Variants in LYN observed in about 807,000 individuals in gnomAD.
LYN encodes LYN proto-oncogene, Src family tyrosine kinase.
LYN carries 12 observed loss-of-function variants against 65.0 expected under a neutral mutation model. That is an observed-to-expected ratio of 0.18 (90% CI 0.12 to 0.30). The LOEUF (loss-of-function observed/expected upper bound fraction) is 0.30, where lower values mean the gene tolerates loss of function less well. Among genes scored for constraint, LYN ranks in the 10% least tolerant of loss-of-function variants. The pLI is 1.00. For synonymous variants in LYN, 222 were observed against 221.2 expected (o/e 1.00, Z -0.03); for missense variants, 380 against 623.2 (o/e 0.61, Z 4.16).
intron 12 of LYN, among the ~76,000 whole-genome samples, chr8:56,002,438 G>GAATAA (rs1201153266): frequency 6.8e-6 from 1 of 147,654 alleles, no homozygotes; most frequent in Non-Finnish European, 1.5e-5. Flanking sequence ...AAAAAAAAAA[G>GAATAA]AATAAAATAA....
intron 8 of LYN, among the ~76,000 whole-genome samples, chr8:55,963,370 G>C (rs1011166945): frequency 5.9e-5 from 9 of 152,200 alleles, no homozygotes; most frequent in African/African-American, 1.9e-4. Flanking sequence ...CTGACTAGCA[G>C]AGCTGTACTT....
At chr8:56,001,623 C>CAT (rs940492790) in intron 12 of LYN, among the ~76,000 whole-genome samples, 1 of 152,166 alleles carries the variant, frequency 6.6e-6, no homozygotes, top group Non-Finnish European at 1.5e-5. Flanking sequence ...AATGAATTAA[C>CAT]ATTGCTGCAA....
chr8:55,938,660 CTT>C (rs1377139682), intron 1 of LYN, among the ~76,000 whole-genome samples: 1 of 152,252 alleles, frequency 6.6e-6, no homozygotes, highest in African/African-American at 2.4e-5. Context: ...ATTATTGACT[CTT>C]TTGTGGTAAA....
At chr8:55,901,477 G>A (rs1255932548) in intron 1 of LYN, among the ~76,000 whole-genome samples, 4 of 152,166 alleles carry the variant, frequency 2.6e-5, no homozygotes, top group Admixed American at 2.6e-4. Context: ...TCATGCATGG[G>A]ATCCTTCTTT....
chr8:55,970,805 C>A (rs1038598836), intron 10 of LYN, among the ~76,000 whole-genome samples: 1 of 152,222 alleles, frequency 6.6e-6, no homozygotes, highest in African/African-American at 2.4e-5. Flanking sequence ...TGTTCTGGCT[C>A]TGCCACTCGA....
chr8:56,007,154 G>T (rs1265211023), intron 12 of LYN, among the ~76,000 whole-genome samples: 1 of 152,190 alleles, frequency 6.6e-6, no homozygotes, highest in Non-Finnish European at 1.5e-5. Flanking sequence ...GCAAATGAGG[G>T]ATCTCCAGGA....
At chr8:55,920,600 G>A (rs1805917353) in intron 1 of LYN, among the ~76,000 whole-genome samples, 1 of 152,126 alleles carries the variant, frequency 6.6e-6, no homozygotes, top group Non-Finnish European at 1.5e-5. Context: ...ATGTTTATAT[G>A]TCTGTTAATA....
At chr8:55,992,917 C>T (rs2130573386) in intron 10 of LYN, among the ~76,000 whole-genome samples, 1 of 152,250 alleles carries the variant, frequency 6.6e-6, no homozygotes, top group East Asian at 1.9e-4. Flanking sequence ...TAAAGGCCCC[C>T]CCTCTTAATA....
chr8:55,989,347 G>A lies in LYN; in HGVS notation c.1051-8999G>A, dbSNP rs556025159. On this transcript the variant is annotated intron_variant, in intron 10 of 12. Coordinates refer to ENST00000519728, the MANE Select transcript of LYN (RefSeq NM_002350.4). ...TGAGATTGTGCTCTCTATCAAACCC[G>A]CATAAAAGAAGTCCATCTGATATAT... Among the ~76,000 whole-genome samples the A allele has an allele frequency of 9.2e-5, 14 of 152,316 alleles. No homozygotes were observed. The South Asian group carries it at 1.5e-3, about 16-fold the overall frequency.
At chr8:55,998,613 A>G (rs1457048039) in intron 11 of LYN, 114 bp downstream of exon 11, 1 of 918,992 alleles carries the variant, frequency 1.1e-6, no homozygotes, top group Admixed American at 2.1e-5. Flanking sequence ...ATTTGGTACA[A>G]CATTTAAGCT....
At chr8:55,979,993 G>A (rs1484852119) in intron 10 of LYN, among the ~76,000 whole-genome samples, 1 of 152,138 alleles carries the variant, frequency 6.6e-6, no homozygotes, top group Non-Finnish European at 1.5e-5. Context: ...CCCTCCAGAG[G>A]CCCTGCCCCA....
intron 1 of LYN, among the ~76,000 whole-genome samples, chr8:55,919,343 A>C (rs1052574547): frequency 6.6e-6 from 1 of 152,184 alleles, no homozygotes; most frequent in Non-Finnish European, 1.5e-5. Context: ...TTCGTACTTT[A>C]AGTTAGTGTA....
intron 9 of LYN, among the ~76,000 whole-genome samples, chr8:55,968,294 C>T (rs1807517324): frequency 6.6e-6 from 1 of 152,114 alleles, no homozygotes. Context: ...CTCACTCTAT[C>T]ACCCAGGCTG....
intron 1 of LYN, among the ~76,000 whole-genome samples, chr8:55,892,461 A>G (rs1403863095): frequency 6.6e-6 from 1 of 152,198 alleles, no homozygotes; most frequent in Non-Finnish European, 1.5e-5. Flanking sequence ...GATGGCTGTA[A>G]AAGGTGCTTC....
At chr8:55,882,248 C>A (rs1412666749) in intron 1 of LYN, among the ~76,000 whole-genome samples, 5 of 152,178 alleles carry the variant, frequency 3.3e-5, no homozygotes, top group Admixed American at 3.3e-4. Context: ...ATTGGTGTTA[C>A]AAAGGTAGGT....
intron 10 of LYN, among the ~76,000 whole-genome samples, chr8:55,971,023 A>C (rs964271359): frequency 2.0e-5 from 3 of 152,226 alleles, no homozygotes; most frequent in African/African-American, 7.2e-5. Flanking sequence ...GGCAATGCCC[A>C]TCCTTCCAGT....
intron 8 of LYN, among the ~76,000 whole-genome samples, chr8:55,960,979 A>G (rs1000340044): frequency 6.6e-6 from 1 of 152,190 alleles, no homozygotes; most frequent in African/African-American, 2.4e-5. Context: ...CAGGGAATCA[A>G]CTGGGCAGTG....
rs554120320 is a variant in LYN, at chr8:55,928,438, G to A, written c.-5-13417G>A. 5.6e-4 allele frequency among the ~76,000 whole-genome samples: 85 copies of A among 152,246 alleles called. 1 individual carries two copies. The highest frequency in any genetic ancestry group is 1.0e-3 in the Admixed American group (16 of 15,286). On this transcript the variant is annotated intron_variant, in intron 1 of 12. Transcript: ENST00000519728. ...TGGGATTACAGTCATGAGCCACCACGCAGGGCCCATTGTTGCTTTAATTTG... is the reference window on the plus strand; with the variant it reads ...TGGGATTACAGTCATGAGCCACCACACAGGGCCCATTGTTGCTTTAATTTG...
chr8:55,974,884 G>A (rs1318913177), intron 10 of LYN, among the ~76,000 whole-genome samples: 1 of 152,144 alleles, frequency 6.6e-6, no homozygotes, highest in Non-Finnish European at 1.5e-5. Flanking sequence ...AGACGTGGTG[G>A]CAAGTGGAAG....
Sources: allele counts gnomAD v4.1 joint callset (sites outside exome capture counted in the v4.1 genomes callset), GRCh38; gene constraint gnomAD v4.1.1; transcripts MANE v1.5; gene names NCBI Gene and HGNC (gene_info 2026-07-23, HGNC 2026-07-21).